The following MREG variants were observed in gnomAD, a reference collection of about 807,000 sequenced individuals.
MREG encodes the protein melanoregulin, also known as dilute suppressor protein homolog.
MREG carries 31 observed loss-of-function variants against 28.5 expected under a neutral mutation model. The observed-to-expected ratio is 1.09, with a 90% confidence interval of 0.82 to 1.47. The LOEUF (loss-of-function observed/expected upper bound fraction) is 1.47. MREG is among the 40% of genes most tolerant of loss of function. MREG has a pLI of 0.00. For synonymous variants in MREG, 106 were observed against 95.2 expected (o/e 1.11, Z -0.66); for missense variants, 256 against 257.4 (o/e 0.99, Z 0.04).
intron 2 of MREG, among the ~76,000 whole-genome samples, chr2:215,984,320 C>T (rs757419905): frequency 5.9e-5 from 9 of 151,992 alleles, no homozygotes; most frequent in Non-Finnish European, 1.2e-4. Context: ...AGTGGGGACA[C>T]AGCCAAACCA....
intron 1 of MREG, among the ~76,000 whole-genome samples, chr2:215,997,214 T>C (rs995703234): frequency 1.3e-5 from 2 of 152,234 alleles, no homozygotes; most frequent in African/African-American, 4.8e-5. Context: ...AAATTCCTTA[T>C]GCCAGGAAAA....
chr2:216,003,914 T>G (rs1694086724), intron 1 of MREG, among the ~76,000 whole-genome samples: 1 of 152,256 alleles, frequency 6.6e-6, no homozygotes, highest in African/African-American at 2.4e-5. Context: ...CTTTCTATTC[T>G]TAACACAACA....
intron 2 of MREG, among the ~76,000 whole-genome samples, chr2:215,989,445 G>C (rs1226201043): frequency 6.6e-6 from 1 of 152,176 alleles, no homozygotes; most frequent in East Asian, 1.9e-4. Context: ...AGGAAGACCA[G>C]TGCAAAAAGG....
rs531610540 is a variant in MREG at position 216,007,516 on chromosome 2, G to A, written c.95+5717C>T. On this transcript the variant is annotated intron_variant, in intron 1 of 4. Transcript: ENST00000263268. The stretch of plus-strand genomic sequence containing the variant: ...TCAATCTTGGCTCACTGCAACCTCC[G>A]CCTCCCAGATTCGAGTGATTCTCCT... Among the ~76,000 whole-genome samples the A allele has an allele frequency of 3.1e-4, 47 of 151,874 alleles. No homozygotes were observed. In the South Asian group the frequency reaches 4.0e-3, roughly 13 times the overall value.
downstream of MREG, among the ~76,000 whole-genome samples, chr2:215,941,894 C>T (rs1377610965): frequency 6.6e-6 from 1 of 152,314 alleles, no homozygotes; most frequent in Admixed American, 6.5e-5. Flanking sequence ...TGACTCACTG[C>T]CATTGGGCCT....
intron 2 of MREG, among the ~76,000 whole-genome samples, chr2:215,977,423 CAAT>C (rs1693292274): frequency 1.3e-5 from 2 of 152,200 alleles, no homozygotes; most frequent in South Asian, 4.2e-4. Context: ...TCCCACACAA[CAAT>C]AATGGGAGAT....
At chr2:215,968,453 C>G (rs1406999667) in intron 2 of MREG, among the ~76,000 whole-genome samples, 1 of 152,160 alleles carries the variant, frequency 6.6e-6, no homozygotes, top group Non-Finnish European at 1.5e-5. Flanking sequence ...TGGCCCCACC[C>G]AAAGCTCATG....
intron 2 of MREG, among the ~76,000 whole-genome samples, chr2:215,987,083 A>C (rs1693590992): frequency 6.6e-6 from 1 of 152,228 alleles, no homozygotes; most frequent in Non-Finnish European, 1.5e-5. Flanking sequence ...CGTGCAAGAG[A>C]ATACTAGAGA....
chr2:215,980,243 T>C (rs140328763), intron 2 of MREG, among the ~76,000 whole-genome samples: 3 of 152,340 alleles, frequency 2.0e-5, no homozygotes, highest in Admixed American at 6.5e-5. Flanking sequence ...CCTATTTCAC[T>C]GAACTGTCAG....
chr2:215,956,600 A>C (rs1692634240), intron 2 of MREG, among the ~76,000 whole-genome samples: 1 of 152,144 alleles, frequency 6.6e-6, no homozygotes, highest in South Asian at 2.1e-4. Context: ...GTGCAGTGGC[A>C]TGATCATGGC....
intron 1 of MREG, among the ~76,000 whole-genome samples, chr2:216,028,174 G>T (rs764819433): frequency 4.6e-5 from 7 of 152,108 alleles, no homozygotes; most frequent in Non-Finnish European, 8.8e-5. Flanking sequence ...GTATAGTGTG[G>T]TATGGTTGCA....
intron 2 of MREG, among the ~76,000 whole-genome samples, chr2:215,970,801 A>T (rs1693069671): frequency 6.6e-6 from 1 of 152,232 alleles, no homozygotes; most frequent in Non-Finnish European, 1.5e-5. Context: ...AATTATTAGG[A>T]TAAGATGATC....
intron 1 of MREG, among the ~76,000 whole-genome samples, chr2:216,024,969 AAAGGAAAAAGG>A (rs1253874423): frequency 7.5e-5 from 11 of 147,060 alleles, no homozygotes; most frequent in South Asian, 6.5e-4. Flanking sequence ...AAAGGAAAGG[AAAGGAAAAAGG>A]AAAAGGAAAA....
At chr2:216,033,032 G>C (rs1361863525), upstream of MREG, 1 of 152,120 alleles carries the variant, frequency 6.6e-6, no homozygotes, top group Non-Finnish European at 1.5e-5. Context: ...AATTCATGAG[G>C]CCATTTTCAT....
In MREG at chr2:216,013,427, G is replaced by T. The variant is rs891076055; in HGVS notation, c.-100C>A. 1 of 776,698 alleles carries T rather than the reference G, an allele frequency of 1.3e-6. No individual in the cohort carries two copies. The highest frequency in any genetic ancestry group is 1.7e-6 in the Non-Finnish European group (1 of 580,882). 48.1% of individuals were successfully genotyped at this position (776,698 alleles called of 1,614,324 possible). A position where few individuals can be genotyped will look rare whatever the true frequency, so the allele number is the denominator to read the frequency against. On this transcript the variant is annotated 5_prime_UTR_variant, in exon 1 of 5. Transcript: ENST00000263268. ...GGCCACCGCGCCAGCGTCCAGGTGCGGGGACAGCGGCAGCCCGGGCGTCGC... is the reference window on the plus strand; with the variant it reads ...GGCCACCGCGCCAGCGTCCAGGTGCTGGGACAGCGGCAGCCCGGGCGTCGC...
intron 2 of MREG, among the ~76,000 whole-genome samples, chr2:215,961,629 G>T (rs923947330): frequency 6.6e-6 from 1 of 152,032 alleles, no homozygotes; most frequent in African/African-American, 2.4e-5. Flanking sequence ...GTTTCATCAC[G>T]TTGGCCAGGC....
intron 2 of MREG, among the ~76,000 whole-genome samples, chr2:215,958,120 G>A (rs188476008): frequency 9.0e-5 from 13 of 144,544 alleles, no homozygotes; most frequent in African/African-American, 2.5e-4. Flanking sequence ...GTGGAGGGAG[G>A]GGGGAGGGAT....
chr2:215,978,610 T>A (rs1693324607), intron 2 of MREG, among the ~76,000 whole-genome samples: 1 of 152,230 alleles, frequency 6.6e-6, no homozygotes, highest in African/African-American at 2.4e-5. Context: ...ATATCTCTGA[T>A]GAATATCGAT....
At chr2:216,025,285 TAAGA>T (rs1224992727) in intron 1 of MREG, among the ~76,000 whole-genome samples, 2 of 152,160 alleles carry the variant, frequency 1.3e-5, no homozygotes, top group Non-Finnish European at 2.9e-5. Context: ...ATTGTAAAAC[TAAGA>T]AAGAAGACCT....
Sources: allele counts gnomAD v4.1 joint callset (sites outside exome capture counted in the v4.1 genomes callset), GRCh38; gene constraint gnomAD v4.1.1; transcripts MANE v1.5; gene names NCBI Gene and HGNC (gene_info 2026-07-23, HGNC 2026-07-21).